CARMIL1: variants seen among roughly 807,000 people sequenced by gnomAD.
CARMIL1 encodes F-actin-uncapping protein LRRC16A.
CARMIL1 carries 90 observed loss-of-function variants against 177.1 expected under a neutral mutation model. The ratio of observed to expected loss-of-function variants is 0.51; its 90% confidence interval spans 0.43 to 0.61. CARMIL1 has a LOEUF of 0.61. Ranked by LOEUF, CARMIL1 falls within the 20% of genes least tolerant of loss-of-function variation. The pLI is 0.00. For missense variants in CARMIL1, 1,380 were observed against 1,667.0 expected (o/e 0.83, Z 3.00); for synonymous variants, 577 against 606.2 (o/e 0.95, Z 0.71).
At chr6:25,280,226 G>C (rs1454066934) in intron 1 of CARMIL1, among the ~76,000 whole-genome samples, 1 of 150,148 alleles carries the variant, frequency 6.7e-6, no homozygotes, top group Admixed American at 6.6e-5. Flanking sequence ...CCCCAAACTC[G>C]GGAAAGTCCG....
intron 2 of CARMIL1, among the ~76,000 whole-genome samples, chr6:25,367,904 C>T (rs1790002371): frequency 6.6e-6 from 1 of 152,204 alleles, no homozygotes; most frequent in African/African-American, 2.4e-5. Flanking sequence ...GATTTACAGG[C>T]ACATGCCACC....
chr6:25,526,113 T>G (rs1017989725), intron 23 of CARMIL1, among the ~76,000 whole-genome samples: 3 of 151,346 alleles, frequency 2.0e-5, no homozygotes, highest in Admixed American at 1.3e-4. Flanking sequence ...ATCAAGACCA[T>G]CCTGTGAATG....
chr6:25,307,409 G>T (rs575012299), intron 2 of CARMIL1, among the ~76,000 whole-genome samples: 32 of 152,256 alleles, frequency 2.1e-4, no homozygotes, highest in South Asian at 1.4e-3. Context: ...GACCTGATCT[G>T]CAGTTCTCCA....
intron 36 of CARMIL1, among the ~76,000 whole-genome samples, chr6:25,613,696 G>C (rs1816675139): frequency 6.6e-6 from 1 of 152,096 alleles, no homozygotes; most frequent in African/African-American, 2.4e-5. Context: ...TTATAAACAT[G>C]ACTTCAAAAA....
chr6:25,571,866 A>G (rs985435210), intron 29 of CARMIL1, among the ~76,000 whole-genome samples: 100 of 152,304 alleles, frequency 6.6e-4, no homozygotes, highest in African/African-American at 2.0e-3. Flanking sequence ...ATTATGAAAA[A>G]GAAAGGTGGG....
chr6:25,308,602 C>T (rs368387338), intron 2 of CARMIL1, among the ~76,000 whole-genome samples: 15 of 151,562 alleles, frequency 9.9e-5, no homozygotes, highest in African/African-American at 2.9e-4. Flanking sequence ...AGGCTGGTCT[C>T]GAACTCCTGA....
chr6:25,343,154 G>T (rs748488286), intron 2 of CARMIL1, among the ~76,000 whole-genome samples: 46 of 152,302 alleles, frequency 3.0e-4, no homozygotes, highest in Non-Finnish European at 5.1e-4. Context: ...CTCTAAAGCG[G>T]TGTGTGTTTT....
chr6:25,281,550 A>G (rs1362880913), intron 1 of CARMIL1, among the ~76,000 whole-genome samples: 3 of 152,182 alleles, frequency 2.0e-5, no homozygotes, highest in Non-Finnish European at 2.9e-5. Context: ...TGTATATTTT[A>G]AAAGTTGAGT....
At chr6:25,447,520 A>G (rs1326154200) in intron 5 of CARMIL1, among the ~76,000 whole-genome samples, 8 of 152,156 alleles carry the variant, frequency 5.3e-5, no homozygotes, top group African/African-American at 1.2e-4. Flanking sequence ...ATCATTAAAG[A>G]TGAAACTATA....
intron 5 of CARMIL1, among the ~76,000 whole-genome samples, chr6:25,438,930 TGTA>T (rs1421015135): frequency 6.6e-6 from 1 of 152,016 alleles, no homozygotes; most frequent in Non-Finnish European, 1.5e-5. Flanking sequence ...TTTGGACACT[TGTA>T]GTAATCTAGG....
chr6:25,351,010 A>T (rs890596738), intron 2 of CARMIL1, among the ~76,000 whole-genome samples: 2 of 152,196 alleles, frequency 1.3e-5, no homozygotes, highest in Non-Finnish European at 2.9e-5. Flanking sequence ...ACGAGAGTAG[A>T]GCACTCCCTC....
chr6:25,557,120 G>A lies in CARMIL1; in HGVS notation c.2742+270G>A, dbSNP rs536993224. Reference sequence around the variant, plus strand: ...GTAACTCTTAAAGGTTTTTGTGACAGGAAAATATCTTCAAATAAAATTATA... The same window carrying A: ...GTAACTCTTAAAGGTTTTTGTGACAAGAAAATATCTTCAAATAAAATTATA... On this transcript the variant is annotated intron_variant, in intron 29 of 36. Transcript: ENST00000329474. Among the ~76,000 whole-genome samples the A allele has an allele frequency of 3.3e-5, 5 of 151,998 alleles. No homozygotes were observed. The East Asian group carries it at 9.7e-4, about 29-fold the overall frequency.
At chr6:25,388,486 C>T (rs541867046) in intron 2 of CARMIL1, among the ~76,000 whole-genome samples, 79 of 152,256 alleles carry the variant, frequency 5.2e-4, no homozygotes, top group Non-Finnish European at 4.6e-4. Context: ...GCCTCAGCCT[C>T]CTGAGTAGCT....
intron 31 of CARMIL1, among the ~76,000 whole-genome samples, chr6:25,582,557 A>C (rs1162046650): frequency 2.0e-5 from 3 of 152,064 alleles, no homozygotes; most frequent in African/African-American, 7.2e-5. Flanking sequence ...TTTTCTTGGG[A>C]CATCATCAGT....
At chr6:25,418,425 T>C (rs1371066418) in intron 2 of CARMIL1, among the ~76,000 whole-genome samples, 6 of 152,146 alleles carry the variant, frequency 3.9e-5, no homozygotes, top group African/African-American at 9.7e-5. Context: ...TAGCCAGTCT[T>C]GCTACTACCG....
intron 2 of CARMIL1, among the ~76,000 whole-genome samples, chr6:25,395,426 C>T (rs72830759): frequency 0.14 from 20,729 of 152,150 alleles, 1,619 homozygotes; most frequent in East Asian, 0.32. Flanking sequence ...CAAATCTTTT[C>T]AAATTAAAAA....
At chr6:25,609,574 A>G (rs1816328761) in intron 35 of CARMIL1, among the ~76,000 whole-genome samples, 1 of 152,224 alleles carries the variant, frequency 6.6e-6, no homozygotes, top group Non-Finnish European at 1.5e-5. Context: ...TGGTTCTAAA[A>G]GACCATGATT....
chr6:25,362,005 A>G (rs911194259), intron 2 of CARMIL1, among the ~76,000 whole-genome samples: 2 of 152,198 alleles, frequency 1.3e-5, no homozygotes, highest in African/African-American at 2.4e-5. Flanking sequence ...GAAAGAAAAA[A>G]TTTTAAAAAA....
chr6:25,609,516 C>G (rs1307291837), intron 35 of CARMIL1, among the ~76,000 whole-genome samples: 1 of 151,072 alleles, frequency 6.6e-6, no homozygotes, highest in East Asian at 1.9e-4. Flanking sequence ...ATTTAGTCAT[C>G]TTTTTCGTTT....
Sources: gnomAD v4.1 joint callset for allele counts (sites outside exome capture counted in the v4.1 genomes callset) on GRCh38, gnomAD v4.1.1 for gene constraint, MANE v1.5 for transcripts, NCBI Gene and HGNC (gene_info 2026-07-23, HGNC 2026-07-21) for gene names.